The following ANO6 variants were observed in gnomAD, a reference collection of about 807,000 sequenced individuals.
The protein encoded by ANO6 is anoctamin-6.
A neutral mutation model predicts 117.5 loss-of-function variants in ANO6; 106 were observed. That is an observed-to-expected ratio of 0.90 (90% CI 0.77 to 1.06). The LOEUF is 1.06. Among genes scored for constraint, ANO6 ranks in the 50% least tolerant of loss-of-function variants. The pLI is 0.00. For missense variants in ANO6, 955 were observed against 1,121.1 expected, an observed-to-expected ratio of 0.85 and a Z score of 2.12; for synonymous variants, 367 against 385.1, an observed-to-expected ratio of 0.95 and a Z score of 0.55.
chr12:45,243,883 A>T (rs548296831), intron 1 of ANO6, among the ~76,000 whole-genome samples: 10 of 152,336 alleles, frequency 6.6e-5, no homozygotes, highest in African/African-American at 2.4e-4. Flanking sequence ...ATTACTGCAA[A>T]TTAACAGAGA....
chr12:45,429,743 C>T lies in ANO6; in HGVS notation c.*432C>T, dbSNP rs993804599. On this transcript the variant is annotated 3_prime_UTR_variant, in exon 20 of 20. Transcript: ENST00000320560. ...CTGTTCCAGGGTCATCTTTTCCTTA[C>T]AGTACCATCATTATAGATTTAATTT... The T allele has an allele frequency of 1.7e-5, 17 of 1,027,360 alleles. No homozygotes were observed. The highest frequency in any genetic ancestry group is 1.8e-5 in the Non-Finnish European group (15 of 857,014). 63.6% of individuals were successfully genotyped at this position (1,027,360 alleles called of 1,614,324 possible). A position where few individuals can be genotyped will look rare whatever the true frequency, so the allele number is the denominator to read the frequency against.
chr12:45,396,500 A>G (rs1331398421), intron 12 of ANO6, among the ~76,000 whole-genome samples: 1 of 152,140 alleles, frequency 6.6e-6, no homozygotes, highest in Non-Finnish European at 1.5e-5. Context: ...TAAAGTTCAT[A>G]TGGAACCAAA....
At chr12:45,368,598 G>A (rs1022210540) in intron 9 of ANO6, among the ~76,000 whole-genome samples, 6 of 152,166 alleles carry the variant, frequency 3.9e-5, no homozygotes, top group Non-Finnish European at 8.8e-5. Flanking sequence ...AATGGAGGGA[G>A]CTTACTGAAA....
chr12:45,276,060 C>T (rs1938545027), intron 1 of ANO6, among the ~76,000 whole-genome samples: 1 of 152,154 alleles, frequency 6.6e-6, no homozygotes, highest in Non-Finnish European at 1.5e-5. Context: ...TCCCATCTAC[C>T]CCATCCTGCC....
chr12:45,259,362 G>A (rs7953574), intron 1 of ANO6, among the ~76,000 whole-genome samples: 8,804 of 152,232 alleles, frequency 0.058, 845 homozygotes, highest in African/African-American at 0.2. Context: ...ATTTTTCAGG[G>A]GAGCGAGTCA....
At chr12:45,228,654 G>A (rs1459164063) in intron 1 of ANO6, among the ~76,000 whole-genome samples, 3 of 152,082 alleles carry the variant, frequency 2.0e-5, no homozygotes, top group African/African-American at 4.8e-5. Context: ...ATGGAAATAC[G>A]GAGGAATCTT....
At chr12:45,367,589 C>T in intron 8 of ANO6, 99 bp from the exon 9 acceptor site, 1 of 882,026 alleles carries the variant, frequency 1.1e-6, no homozygotes, top group Non-Finnish European at 1.8e-6. Context: ...TCTAGTTTTA[C>T]AAGATCGGTT....
intron 1 of ANO6, among the ~76,000 whole-genome samples, chr12:45,266,909 A>T (rs1268701217): frequency 6.6e-6 from 1 of 151,912 alleles, no homozygotes; most frequent in East Asian, 1.9e-4. Flanking sequence ...AAACCCATTC[A>T]GGTCCCAGCT....
At position 45,430,250 on chromosome 12, in the gene ANO6, T is replaced by C; in HGVS notation, c.*939T>C. ...CCCTCAATTTTCTACCAGTTGACTT[T>C]TATTCATTAGATACAGAAGGTGCAG... On this transcript the variant is annotated 3_prime_UTR_variant, in exon 20 of 20. Coordinates refer to ENST00000320560, the MANE Select transcript of ANO6 (RefSeq NM_001025356.3). 1.0e-6 allele frequency: 1 copy of C among 985,462 alleles called. No individual in the cohort carries two copies. The highest frequency in any genetic ancestry group is 1.1e-4 in the East Asian group (1 of 8,816). The allele number at this position is 985,462 out of a possible 1,614,324, so 61.0% of individuals were successfully genotyped here.
intron 2 of ANO6, among the ~76,000 whole-genome samples, chr12:45,326,976 T>C (rs2137386827): frequency 6.6e-6 from 1 of 152,288 alleles, no homozygotes; most frequent in East Asian, 1.9e-4. Context: ...CAGTCTTCTC[T>C]TAGCAGACAG....
downstream of ANO6, among the ~76,000 whole-genome samples, chr12:45,437,154 G>A (rs956361102): frequency 3.2e-4 from 48 of 152,146 alleles, no homozygotes; most frequent in African/African-American, 1.1e-3. Context: ...CCCCTGGGAG[G>A]GTCTAAGTCC....
At chr12:45,374,079 A>G (rs1310459844) in intron 9 of ANO6, among the ~76,000 whole-genome samples, 2 of 151,178 alleles carry the variant, frequency 1.3e-5, no homozygotes, top group Non-Finnish European at 3.0e-5. Flanking sequence ...AAACACCTCT[A>G]TGCAAATAAA....
At chr12:45,342,482 T>C (rs1240332704) in intron 3 of ANO6, among the ~76,000 whole-genome samples, 2 of 152,202 alleles carry the variant, frequency 1.3e-5, no homozygotes, top group East Asian at 3.8e-4. Context: ...GATGCCCCTA[T>C]GCTCTCTATC....
chr12:45,408,903 T>G (rs1943014168), intron 15 of ANO6, among the ~76,000 whole-genome samples: 1 of 152,164 alleles, frequency 6.6e-6, no homozygotes, highest in Non-Finnish European at 1.5e-5. Context: ...GAAGGAGACC[T>G]TCACTGGCCA....
chr12:45,440,175 C>G (rs1213817170), exon 20 of ANO6: 2 of 355,246 alleles, frequency 5.6e-6, no homozygotes, highest in East Asian at 4.4e-5. Flanking sequence ...TTTTGCTTTT[C>G]AATCTGAAAT....
intron 16 of ANO6, among the ~76,000 whole-genome samples, chr12:45,416,424 C>T (rs775580942): frequency 9.2e-5 from 14 of 152,090 alleles, no homozygotes; most frequent in Admixed American, 4.6e-4. Context: ...TTATTACCAG[C>T]GAATAATTCT....
intron 2 of ANO6, among the ~76,000 whole-genome samples, chr12:45,318,536 A>T (rs1488367000): frequency 3.3e-5 from 5 of 152,286 alleles, no homozygotes; most frequent in Admixed American, 2.6e-4. Context: ...GCCTTGTAGT[A>T]TAGTTTGAAG....
At chr12:45,296,643 T>C (rs916279854) in intron 1 of ANO6, among the ~76,000 whole-genome samples, 3 of 152,198 alleles carry the variant, frequency 2.0e-5, no homozygotes, top group Non-Finnish European at 4.4e-5. Flanking sequence ...TCTAAACTTA[T>C]ATCTAACATC....
intron 8 of ANO6, among the ~76,000 whole-genome samples, chr12:45,364,420 T>C (rs1941632446): frequency 6.6e-6 from 1 of 152,214 alleles, no homozygotes; most frequent in Admixed American, 6.5e-5. Context: ...TCTCTGGGAC[T>C]TCTATAATGT....
Sources: gnomAD v4.1 joint callset for allele counts (sites outside exome capture counted in the v4.1 genomes callset) on GRCh38, gnomAD v4.1.1 for gene constraint, MANE v1.5 for transcripts, NCBI Gene and HGNC (gene_info 2026-07-23, HGNC 2026-07-21) for gene names.